The following EXPH5 variants were observed in gnomAD, a reference collection of about 807,000 sequenced individuals.
EXPH5 encodes exophilin-5.
In EXPH5, 42 loss-of-function variants were observed where a neutral mutation model predicts 41.1. The ratio of observed to expected loss-of-function variants is 1.02; its 90% CI spans 0.80 to 1.32. The LOEUF (loss-of-function observed/expected upper bound fraction) is 1.32, where lower values mean the gene tolerates loss of function less well. Among genes scored for constraint, EXPH5 ranks in the 40% most tolerant of loss-of-function variants. The pLI is 0.00. For missense variants in EXPH5, 2,298 were observed against 2,314.5 expected (o/e 0.99, Z 0.15); for synonymous variants, 798 against 833.5 (o/e 0.96, Z 0.73).
chr11:108,529,935 G>C (rs1347344006), intron 3 of EXPH5, among the ~76,000 whole-genome samples: 1 of 152,060 alleles, frequency 6.6e-6, no homozygotes, highest in Non-Finnish European at 1.5e-5. Flanking sequence ...ACAGTAATGG[G>C]GATCAAGAGC....
chr11:108,552,098 C>T (rs1015140607), intron 1 of EXPH5: 1 of 152,004 alleles, frequency 6.6e-6, no homozygotes, highest in Non-Finnish European at 1.5e-5. Flanking sequence ...TTATCACTCA[C>T]CCTCCAGGGA....
At chr11:108,542,595 G>C (rs562637217) in intron 1 of EXPH5, among the ~76,000 whole-genome samples, 2 of 152,210 alleles carry the variant, frequency 1.3e-5, no homozygotes, top group African/African-American at 4.8e-5. Flanking sequence ...GTGTTTATGA[G>C]GGCCCAGGTA....
At chr11:108,605,573 G>A in the EXPH5 span, among the ~76,000 whole-genome samples, 1 of 152,082 alleles carries the variant, frequency 6.6e-6, no homozygotes, top group African/African-American at 2.4e-5. Context: ...CCCCTCCTAC[G>A]CCCAGCAAAG....
intron 4 of EXPH5, among the ~76,000 whole-genome samples, chr11:108,521,409 T>G (rs1348837649): frequency 6.6e-6 from 1 of 152,176 alleles, no homozygotes; most frequent in African/African-American, 2.4e-5. Flanking sequence ...CCTATGGTTT[T>G]CAGTTCTATG....
intron 4 of EXPH5, among the ~76,000 whole-genome samples, chr11:108,520,827 C>T (rs191826120): frequency 1.7e-4 from 26 of 152,320 alleles, no homozygotes; most frequent in Non-Finnish European, 3.5e-4. Flanking sequence ...CCTCAGCCCC[C>T]CAAAGTGCTG....
chr11:108,562,286 T>G (rs1414456608), intron 1 of EXPH5, among the ~76,000 whole-genome samples: 2 of 95,264 alleles, frequency 2.1e-5, no homozygotes, highest in Admixed American at 1.0e-4. Context: ...TTTTTTTTTG[T>G]AATTGTGAAA....
chr11:108,526,802 T>C lies in EXPH5; in HGVS notation c.492+1334A>G, dbSNP rs562122378. On this transcript the variant is annotated intron_variant, in intron 4 of 5. Coordinates refer to ENST00000265843, the MANE Select transcript of EXPH5 (RefSeq NM_015065.3). ...ACCTTGAGCATGATCTTTAACTCGT[T>C]AAACCTCACTTTCTTCATCTTTAAA... Among the ~76,000 whole-genome samples, 5 of 152,310 alleles carry C rather than the reference T, an allele frequency of 3.3e-5. No homozygotes were observed. In the South Asian group the frequency reaches 8.3e-4, roughly 25 times the overall value.
At chr11:108,578,467 G>A (rs1271136334) in intron 1 of EXPH5, among the ~76,000 whole-genome samples, 1 of 152,178 alleles carries the variant, frequency 6.6e-6, no homozygotes, top group Non-Finnish European at 1.5e-5. Context: ...CAGGTGATGT[G>A]ATGACTTCAG....
chr11:108,603,618 A>C, the EXPH5 span, among the ~76,000 whole-genome samples: 2 of 152,250 alleles, frequency 1.3e-5, no homozygotes, highest in East Asian at 3.8e-4. Context: ...GTCCACATAC[A>C]AGCTCAGTAC....
upstream of EXPH5, among the ~76,000 whole-genome samples, chr11:108,598,142 G>A (rs2094141323): frequency 6.6e-6 from 1 of 152,216 alleles, no homozygotes; most frequent in Admixed American, 6.5e-5. Context: ...TGACCCGCAT[G>A]ATGAGATGTC....
At chr11:108,538,610 G>A (rs188747646) in intron 3 of EXPH5, among the ~76,000 whole-genome samples, 45 of 151,884 alleles carry the variant, frequency 3.0e-4, no homozygotes, top group African/African-American at 9.9e-4. Context: ...TCATCTAGTC[G>A]TTACCCCAAC....
chr11:108,600,371 A>G, the EXPH5 span, among the ~76,000 whole-genome samples: 1 of 152,130 alleles, frequency 6.6e-6, no homozygotes, highest in African/African-American at 2.4e-5. Flanking sequence ...ATCTCTGTGC[A>G]TTTTAAAGAG....
At chr11:108,558,181 G>A (rs1023841062) in intron 1 of EXPH5, among the ~76,000 whole-genome samples, 5 of 152,112 alleles carry the variant, frequency 3.3e-5, no homozygotes, top group Admixed American at 2.0e-4. Context: ...GACCTCAAGT[G>A]ATCCCCTTGC....
At chr11:108,523,240 C>G (rs1209822592) in intron 4 of EXPH5, among the ~76,000 whole-genome samples, 1 of 152,108 alleles carries the variant, frequency 6.6e-6, no homozygotes, top group Non-Finnish European at 1.5e-5. Context: ...AATATCCTCT[C>G]TTACTGAATC....
chr11:108,512,279 C>T lies in EXPH5; in HGVS notation c.3228G>A (p.Glu1076=). 1 of 1,613,350 alleles carries T rather than the reference C, an allele frequency of 6.2e-7. No homozygotes were observed. Among genetic ancestry groups the T allele is most frequent in the Non-Finnish European group, 8.5e-7 (1 of 1,179,794 alleles). The change falls in exon 6 of 6, where the codon GAG becomes GAA. Residue 1076 remains glutamate (E), a synonymous_variant. Transcript: ENST00000265843. ...MLNKFSPSSP[E]SANECSKVLS... ...GGACTTTGGAACATTCATTCGCTGA[C>T]TCAGGAGAACTGGGACTAAATTTGT...
At chr11:108,522,956 C>T (rs2093774417) in intron 4 of EXPH5, among the ~76,000 whole-genome samples, 2 of 151,842 alleles carry the variant, frequency 1.3e-5, no homozygotes, top group African/African-American at 4.8e-5. Context: ...AATCACAGCT[C>T]ACTGTAACCC....
Position 108,593,611 on chromosome 11 carries a change from AG to A in EXPH5, c.-76del. 1 of 1,611,004 alleles carries A rather than the reference AG, an allele frequency of 6.2e-7. No individual in the cohort carries two copies. On this transcript the variant is annotated 5_prime_UTR_variant, in exon 1 of 6. Transcript: ENST00000265843. ...AGGAAGGCATTTTTCAACCTGTACAAGACCAGTTTCACGAACTTGATCCCAC... is the reference window on the plus strand; with the variant it reads ...AGGAAGGCATTTTTCAACCTGTACAAACCAGTTTCACGAACTTGATCCCAC...
intron 4 of EXPH5, among the ~76,000 whole-genome samples, chr11:108,518,737 G>A (rs532335217): frequency 6.6e-5 from 10 of 152,294 alleles, no homozygotes; most frequent in Non-Finnish European, 1.2e-4. Context: ...ATTCCCAGCC[G>A]GTTAAGGCAT....
chr11:108,539,223 C>T (rs978240557), intron 2 of EXPH5, 37 bp from the exon 3 acceptor site: 42 of 1,414,904 alleles, frequency 3.0e-5, no homozygotes, highest in Non-Finnish European at 4.1e-5. Flanking sequence ...GCATCAATTA[C>T]TTCCAAGTAA....
Sources: allele counts gnomAD v4.1 joint callset (sites outside exome capture counted in the v4.1 genomes callset), GRCh38; gene constraint gnomAD v4.1.1; transcripts MANE v1.5; gene names NCBI Gene and HGNC (gene_info 2026-07-23, HGNC 2026-07-21).